The following FGD5 variants were observed in gnomAD, a reference collection of about 807,000 sequenced individuals.
FGD5 encodes FYVE, RhoGEF and PH domain-containing protein 5.
FGD5 carries 28 observed loss-of-function variants against 133.4 expected under a neutral mutation model. The ratio of observed to expected loss-of-function variants is 0.21; its 90% CI spans 0.16 to 0.29. The LOEUF is 0.29. Among genes scored for constraint, FGD5 ranks in the 10% least tolerant of loss-of-function variants. FGD5 has a pLI of 1.00. For synonymous variants in FGD5, 810 were observed against 776.5 expected, an observed-to-expected ratio of 1.04 and a Z score of -0.72; for missense variants, 1,858 against 1,895.2, an observed-to-expected ratio of 0.98 and a Z score of 0.36.
intron 4 of FGD5, among the ~76,000 whole-genome samples, chr3:14,888,483 C>A (rs930852180): frequency 6.6e-6 from 1 of 152,100 alleles, no homozygotes; most frequent in African/African-American, 2.4e-5. Flanking sequence ...CTAAACATGG[C>A]GTATTTTCTA....
intron 1 of FGD5, among the ~76,000 whole-genome samples, chr3:14,830,923 T>C (rs875095): frequency 6.6e-5 from 10 of 152,070 alleles, no homozygotes; most frequent in African/African-American, 2.4e-4. Context: ...GTAAACAGAC[T>C]AGTAAGTGAA....
intron 1 of FGD5, among the ~76,000 whole-genome samples, chr3:14,833,976 G>A (rs2036767294): frequency 6.6e-6 from 1 of 152,130 alleles, no homozygotes; most frequent in Admixed American, 6.5e-5. Flanking sequence ...TCCCTCCCAT[G>A]CTTAATCTTG....
chr3:14,890,623 A>G (rs972534641), intron 4 of FGD5, among the ~76,000 whole-genome samples: 3 of 152,306 alleles, frequency 2.0e-5, no homozygotes, highest in Middle Eastern at 3.4e-3. Flanking sequence ...CAGCTGGTGC[A>G]TGAGTTTTAA....
intron 9 of FGD5, among the ~76,000 whole-genome samples, chr3:14,907,359 G>A (rs182691574): frequency 3.2e-4 from 49 of 152,308 alleles, no homozygotes; most frequent in Admixed American, 5.9e-4. Flanking sequence ...AGAGACATAG[G>A]CTTAGAGAGC....
Position 14,910,758 on chromosome 3 carries a change from T to C in FGD5, c.3337-103T>C, listed in dbSNP as rs867028332. Reference sequence around the variant, plus strand: ...CTCAGGGGCCTCCCCTGCACCCTTGTCTGGGATTGATTTAAGTTTCCACTC... The same window carrying C: ...CTCAGGGGCCTCCCCTGCACCCTTGCCTGGGATTGATTTAAGTTTCCACTC... On this transcript the variant is annotated intron_variant, in intron 10 of 19. Coordinates refer to ENST00000285046, the MANE Select transcript of FGD5 (RefSeq NM_152536.4). 2.1e-5 allele frequency: 21 copies of C among 1,006,758 alleles called. No individual in the cohort carries two copies. In the Middle Eastern group the frequency reaches 4.3e-3, roughly 207 times the overall value. The allele number at this position is 1,006,758 out of a possible 1,614,324, so 62.4% of individuals were successfully genotyped here.
At chr3:14,904,480 A>G (rs948652471) in intron 9 of FGD5, among the ~76,000 whole-genome samples, 2 of 149,564 alleles carry the variant, frequency 1.3e-5, no homozygotes, top group Non-Finnish European at 3.0e-5. Context: ...CCCTTTTCAC[A>G]TGGTGTCATC....
At chr3:14,910,757 G>C in intron 10 of FGD5, 104 bp from the exon 11 acceptor site, 1 of 1,007,216 alleles carries the variant, frequency 9.9e-7, no homozygotes, top group Non-Finnish European at 1.5e-6. Context: ...CTGCACCCTT[G>C]TCTGGGATTG....
At chr3:14,816,395 G>C (rs186642963), upstream of FGD5, among the ~76,000 whole-genome samples, 2 of 152,342 alleles carry the variant, frequency 1.3e-5, no homozygotes, top group East Asian at 3.9e-4. Flanking sequence ...AAGATCTGGG[G>C]TAGGCAAAGA....
intron 1 of FGD5, among the ~76,000 whole-genome samples, chr3:14,837,390 C>G (rs888219001): frequency 6.6e-6 from 1 of 152,182 alleles, no homozygotes; most frequent in African/African-American, 2.4e-5. Flanking sequence ...CCAGTTGCTT[C>G]TAATCCACCA....
chr3:14,920,328 G>C (rs2038650244), intron 13 of FGD5: 1 of 152,122 alleles, frequency 6.6e-6, no homozygotes, highest in Non-Finnish European at 1.5e-5. Flanking sequence ...ATGCACTCAT[G>C]CACATGCACT....
At chr3:14,810,913 C>G in intron 1 of FGD5, 1 of 985,028 alleles carries the variant, frequency 1.0e-6, no homozygotes. Context: ...CGCGAGGGAC[C>G]CCGGCCGGGC....
intron 1 of FGD5, among the ~76,000 whole-genome samples, chr3:14,841,333 T>C (rs2036917666): frequency 6.6e-6 from 1 of 152,224 alleles, no homozygotes; most frequent in Non-Finnish European, 1.5e-5. Flanking sequence ...CTTAAAGTGT[T>C]ACATGCAGGA....
chr3:14,911,569 C>T (rs753937040), intron 11 of FGD5, among the ~76,000 whole-genome samples: 30 of 151,916 alleles, frequency 2.0e-4, no homozygotes, highest in Non-Finnish European at 3.8e-4. Flanking sequence ...CCTCATACTT[C>T]GTCAAAGCAC....
chr3:14,907,655 C>T lies in FGD5; in HGVS notation c.3280C>T (p.Leu1094=). 1 of 1,613,602 alleles carries T rather than the reference C, an allele frequency of 6.2e-7. No individual in the cohort carries two copies. The highest frequency in any genetic ancestry group is 8.5e-7 in the Non-Finnish European group (1 of 1,179,622). Reference sequence around the variant, plus strand: ...CCACCCACAGGAAAACCTGCAGAAGCTGGTCCACATTGAGCACAGCGTCCG... The same window carrying T: ...CCACCCACAGGAAAACCTGCAGAAGTTGGTCCACATTGAGCACAGCGTCCG... The part of the protein sequence containing the change: ...SMEQGENLQK[L]VHIEHSVRGQ... The change falls in exon 10 of 20, where the codon CTG becomes TTG. Residue 1094 remains leucine (L), a synonymous_variant. Coordinates refer to ENST00000285046, the MANE Select transcript of FGD5 (RefSeq NM_152536.4).
At chr3:14,814,460 G>A (rs750548297), upstream of FGD5, among the ~76,000 whole-genome samples, 4 of 152,152 alleles carry the variant, frequency 2.6e-5, no homozygotes, top group African/African-American at 9.7e-5. Flanking sequence ...GAGGTCAGGA[G>A]CTCCATCTGG....
intron 1 of FGD5, among the ~76,000 whole-genome samples, chr3:14,850,786 G>A (rs933965686): frequency 7.1e-6 from 1 of 140,760 alleles, no homozygotes; most frequent in Non-Finnish European, 1.6e-5. Context: ...GACCTTGGTT[G>A]GGGGGGCAGT....
chr3:14,821,653 C>T (rs188215145), intron 1 of FGD5, 57 bp downstream of exon 1: 15 of 1,470,848 alleles, frequency 1.0e-5, no homozygotes, highest in South Asian at 7.0e-5. Flanking sequence ...CAGGAGGCAG[C>T]GTGGGTGTGG....
chr3:14,832,731 C>T (rs1261655743), intron 1 of FGD5, among the ~76,000 whole-genome samples: 1 of 152,180 alleles, frequency 6.6e-6, no homozygotes, highest in Non-Finnish European at 1.5e-5. Context: ...CTTCCTGACT[C>T]TCCAGCTGTC....
At chr3:14,844,768 T>C (rs986884347) in intron 1 of FGD5, among the ~76,000 whole-genome samples, 1 of 152,152 alleles carries the variant, frequency 6.6e-6, no homozygotes, top group African/African-American at 2.4e-5. Context: ...GAAAGCTAAA[T>C]TGGACAATGT....
Sources: allele counts gnomAD v4.1 joint callset (sites outside exome capture counted in the v4.1 genomes callset), GRCh38; gene constraint gnomAD v4.1.1; transcripts MANE v1.5; gene names NCBI Gene and HGNC (gene_info 2026-07-23, HGNC 2026-07-21).